Variants in NEDD4L observed in about 807,000 individuals in gnomAD.
NEDD4L encodes E3 ubiquitin-protein ligase NEDD4-like.
A neutral mutation model predicts 148.9 loss-of-function variants in NEDD4L; 54 were observed. The ratio of observed to expected loss-of-function variants is 0.36; its 90% confidence interval spans 0.29 to 0.45. The LOEUF is 0.45. NEDD4L is among the 20% of genes least tolerant of loss of function. NEDD4L has a pLI of 1.00. For synonymous variants in NEDD4L, 433 were observed against 440.7 expected (o/e 0.98, Z 0.22); for missense variants, 856 against 1,233.8 (o/e 0.69, Z 4.59).
Position 58,245,947 on chromosome 18 carries a change from C to T in NEDD4L, c.204+439C>T, listed in dbSNP as rs534154271. On this transcript the variant is annotated intron_variant, in intron 3 of 30. Transcript: ENST00000400345. ...TCCTGACCTCAGGTGATCCACCTGT[C>T]GTGGACTCCCAAAGTGCTGGGATTA... 1.2e-4 allele frequency among the ~76,000 whole-genome samples: 18 copies of T among 148,148 alleles called. No homozygotes were observed. In the East Asian group the frequency reaches 3.6e-3, roughly 30 times the overall value.
intron 24 of NEDD4L, among the ~76,000 whole-genome samples, chr18:58,374,003 G>T (rs768352157): frequency 6.6e-6 from 1 of 152,124 alleles, no homozygotes; most frequent in Non-Finnish European, 1.5e-5. Context: ...CTGTCCTTCC[G>T]CAAAAGCCCA....
chr18:58,073,104 C>A (rs1297991077), intron 1 of NEDD4L, among the ~76,000 whole-genome samples: 2 of 152,000 alleles, frequency 1.3e-5, no homozygotes, highest in East Asian at 3.9e-4. Context: ...ACCTAAAAAA[C>A]AAAAGAAAGG....
chr18:58,217,951 A>G (rs1390102349), intron 2 of NEDD4L, among the ~76,000 whole-genome samples: 1 of 152,246 alleles, frequency 6.6e-6, no homozygotes, highest in Non-Finnish European at 1.5e-5. Flanking sequence ...GCTGCAGAGT[A>G]TGGATAAATT....
At chr18:58,180,775 G>C (rs1208889749) in intron 2 of NEDD4L, among the ~76,000 whole-genome samples, 1 of 152,184 alleles carries the variant, frequency 6.6e-6, no homozygotes, top group African/African-American at 2.4e-5. Context: ...CTACATTAAA[G>C]TTAGCACTGA....
intron 1 of NEDD4L, among the ~76,000 whole-genome samples, chr18:58,114,288 G>T (rs1419693533): frequency 6.6e-6 from 1 of 151,998 alleles, no homozygotes; most frequent in Non-Finnish European, 1.5e-5. Context: ...TTGCTGTTGG[G>T]CAGCATTTGT....
intron 5 of NEDD4L, among the ~76,000 whole-genome samples, chr18:58,294,360 G>C (rs908618259): frequency 6.6e-6 from 1 of 152,162 alleles, no homozygotes; most frequent in African/African-American, 2.4e-5. Context: ...GTTGTAGCTA[G>C]GGTGGTGGGG....
intron 23 of NEDD4L, among the ~76,000 whole-genome samples, chr18:58,371,203 A>ATTTT (rs34960405): frequency 4.3e-3 from 399 of 92,962 alleles, no homozygotes; most frequent in African/African-American, 5.9e-3. Flanking sequence ...TGCCTGGCTA[A>ATTTT]TTTTTTTTTT....
At chr18:58,102,071 T>G (rs2084785282) in intron 1 of NEDD4L, among the ~76,000 whole-genome samples, 1 of 152,208 alleles carries the variant, frequency 6.6e-6, no homozygotes, top group South Asian at 2.1e-4. Context: ...TTTTATCTTT[T>G]TTTTCCTCTG....
At chr18:58,245,558 A>G (rs1020561492) in intron 3 of NEDD4L, 50 bp downstream of exon 3, 3 of 995,010 alleles carry the variant, frequency 3.0e-6, no homozygotes, top group African/African-American at 3.2e-5. Flanking sequence ...ATTTAATCCA[A>G]TTATGCACAG....
chr18:58,179,726 G>A (rs993397827), intron 2 of NEDD4L, among the ~76,000 whole-genome samples: 1 of 151,216 alleles, frequency 6.6e-6, no homozygotes, highest in African/African-American at 2.4e-5. Flanking sequence ...CTGATGATCC[G>A]TCACTGTCCC....
intron 1 of NEDD4L, among the ~76,000 whole-genome samples, chr18:58,055,989 A>G (rs1172889669): frequency 6.6e-6 from 1 of 152,200 alleles, no homozygotes; most frequent in Non-Finnish European, 1.5e-5. Flanking sequence ...TCAAAGTGAT[A>G]GCTATGCATA....
chr18:58,142,332 ACC>A (rs199598665), intron 1 of NEDD4L, among the ~76,000 whole-genome samples: 1 of 131,136 alleles, frequency 7.6e-6, no homozygotes, highest in Non-Finnish European at 1.7e-5. Context: ...ACAGGCGTGA[ACC>A]ACACCGCGCC....
chr18:58,125,594 C>T (rs1258766746), intron 1 of NEDD4L, among the ~76,000 whole-genome samples: 2 of 152,150 alleles, frequency 1.3e-5, no homozygotes, highest in Non-Finnish European at 2.9e-5. Flanking sequence ...CTCGAGTCAC[C>T]ACCCCACTGC....
chr18:58,188,253 T>G (rs568714256), intron 2 of NEDD4L, among the ~76,000 whole-genome samples: 1 of 152,234 alleles, frequency 6.6e-6, no homozygotes, highest in South Asian at 2.1e-4. Context: ...AAAACGGAGA[T>G]GAGTGAAAAT....
intron 1 of NEDD4L, among the ~76,000 whole-genome samples, chr18:58,061,490 T>TCC (rs2082331476): frequency 6.6e-6 from 1 of 151,888 alleles, no homozygotes; most frequent in Non-Finnish European, 1.5e-5. Flanking sequence ...GTTTTTTTTT[T>TCC]TTTTCTTTCT....
chr18:58,271,251 G>A (rs1037603498), intron 5 of NEDD4L, among the ~76,000 whole-genome samples: 2 of 151,712 alleles, frequency 1.3e-5, no homozygotes, highest in African/African-American at 2.4e-5. Flanking sequence ...TATCCCTTTA[G>A]GGTTAATGAA....
intron 1 of NEDD4L, among the ~76,000 whole-genome samples, chr18:58,093,287 G>A (rs1403172219): frequency 6.6e-6 from 1 of 152,062 alleles, no homozygotes; most frequent in African/African-American, 2.4e-5. Context: ...TCACATAGGA[G>A]TTTTTCAAGA....
intron 1 of NEDD4L, among the ~76,000 whole-genome samples, chr18:58,062,068 CAA>C (rs1599000077): frequency 3.3e-5 from 5 of 152,102 alleles, no homozygotes; most frequent in Admixed American, 3.3e-4. Flanking sequence ...TTGGTATTTT[CAA>C]AGTTATATGT....
chr18:58,367,930 CT>C, intron 22 of NEDD4L, 63 bp downstream of exon 22: 1 of 1,567,014 alleles, frequency 6.4e-7, no homozygotes, highest in South Asian at 1.2e-5. Context: ...GGTGTCTTAT[CT>C]TTCGCATCAT....
Sources: allele counts gnomAD v4.1 joint callset (sites outside exome capture counted in the v4.1 genomes callset), GRCh38; gene constraint gnomAD v4.1.1; transcripts MANE v1.5; gene names NCBI Gene and HGNC (gene_info 2026-07-23, HGNC 2026-07-21).